MAP3K13: variants seen among roughly 807,000 people sequenced by gnomAD.
MAP3K13 encodes the protein mitogen-activated protein kinase kinase kinase 13, also known as leucine zipper-bearing kinase.
In MAP3K13, 52 loss-of-function variants were observed where a neutral mutation model predicts 104.0. The observed-to-expected ratio is 0.50, with a 90% CI of 0.40 to 0.63. The LOEUF is 0.63. Among genes scored for constraint, MAP3K13 ranks in the 20% least tolerant of loss-of-function variants. MAP3K13 has a pLI of 0.00. For synonymous variants in MAP3K13, 394 were observed against 442.2 expected (o/e 0.89, Z 1.37); for missense variants, 914 against 1,218.5 (o/e 0.75, Z 3.72).
At chr3:185,292,542 G>A (rs1324767489) in intron 2 of MAP3K13, 9 of 540,902 alleles carry the variant, frequency 1.7e-5, no homozygotes, top group Middle Eastern at 9.3e-4. Context: ...TTTTCCCCCC[G>A]GCCTACCTCA....
At chr3:185,369,307 C>T (rs577200488) in intron 1 of MAP3K13, among the ~76,000 whole-genome samples, 2 of 152,222 alleles carry the variant, frequency 1.3e-5, no homozygotes, top group South Asian at 2.1e-4. Context: ...AGATGGTGAA[C>T]CATCAAACAA....
At chr3:185,379,728 A>G (rs1355344542) in intron 1 of MAP3K13, among the ~76,000 whole-genome samples, 1 of 152,160 alleles carries the variant, frequency 6.6e-6, no homozygotes, top group African/African-American at 2.4e-5. Flanking sequence ...TTGATGAGTT[A>G]TACATTCATT....
chr3:185,321,133 T>TGC (rs1362285212), intron 2 of MAP3K13, among the ~76,000 whole-genome samples: 1 of 150,148 alleles, frequency 6.7e-6, no homozygotes, highest in Admixed American at 6.6e-5. Flanking sequence ...CATATACACA[T>TGC]GTGTATATTA....
chr3:185,388,825 A>G (rs568877372), intron 1 of MAP3K13, among the ~76,000 whole-genome samples: 2 of 152,232 alleles, frequency 1.3e-5, no homozygotes, highest in South Asian at 2.1e-4. Flanking sequence ...TGGTATTGGT[A>G]TAAAAACAGA....
In MAP3K13 at chr3:185,468,009, TTAAA is replaced by T. The variant is rs552561433; in HGVS notation, c.1643+1050_1643+1053del. On this transcript the variant is annotated intron_variant, in intron 10 of 13. Coordinates refer to ENST00000265026, the MANE Select transcript of MAP3K13 (RefSeq NM_004721.5). ...GCAAAGCAGGAGGTGCTACATTCCTTTAAATAACCAAATCTCATGAAAACTCACT... is the reference window on the plus strand; with the variant it reads ...GCAAAGCAGGAGGTGCTACATTCCTTTAACCAAATCTCATGAAAACTCACT... Among the ~76,000 whole-genome samples, 3 of 151,918 alleles carry T rather than the reference TTAAA, an allele frequency of 2.0e-5. No individual in the cohort carries two copies. In the East Asian group the frequency reaches 5.8e-4, roughly 29 times the overall value.
At chr3:185,436,534 T>C (rs1263410944) in intron 2 of MAP3K13, among the ~76,000 whole-genome samples, 1 of 152,182 alleles carries the variant, frequency 6.6e-6, no homozygotes, top group East Asian at 1.9e-4. Flanking sequence ...TGCCTTAGTT[T>C]TTTCATCTTT....
chr3:185,410,079 C>T (rs1213529501), intron 1 of MAP3K13, among the ~76,000 whole-genome samples: 1 of 152,208 alleles, frequency 6.6e-6, no homozygotes, highest in Non-Finnish European at 1.5e-5. Flanking sequence ...TCTAACGCTG[C>T]TGCTGACCTG....
At chr3:185,288,452 T>C (rs1720611366) in intron 2 of MAP3K13, among the ~76,000 whole-genome samples, 1 of 150,468 alleles carries the variant, frequency 6.6e-6, no homozygotes, top group Non-Finnish European at 1.5e-5. Flanking sequence ...ATATAATTTA[T>C]ATAGAGAGAA....
intron 1 of MAP3K13, among the ~76,000 whole-genome samples, chr3:185,366,712 C>T (rs1458940612): frequency 6.6e-6 from 1 of 152,122 alleles, no homozygotes; most frequent in African/African-American, 2.4e-5. Flanking sequence ...TTTTTATGTG[C>T]TTATTGGCCA....
At chr3:185,435,915 A>AAAGAT (rs1715003809) in intron 2 of MAP3K13, among the ~76,000 whole-genome samples, 1 of 152,208 alleles carries the variant, frequency 6.6e-6, no homozygotes, top group African/African-American at 2.4e-5. Context: ...AAGCTAACTC[A>AAAGAT]ACACTACTTT....
intron 1 of MAP3K13, among the ~76,000 whole-genome samples, chr3:185,405,658 G>C (rs1336196814): frequency 6.6e-6 from 1 of 152,086 alleles, no homozygotes; most frequent in African/African-American, 2.4e-5. Flanking sequence ...TTTCTTCAAG[G>C]CCTCACTTTC....
In MAP3K13 at chr3:185,443,633, C is replaced by G; in HGVS notation, c.848C>G (p.Pro283Arg). ...ATTATTCATCGTGATCTCAAATCAC[C>G]TAAGTGAGTTCTGGGGCTAATGTTT... ...HKIIHRDLKS[P>R]NVLVTHTDAV... The change falls in exon 4 of 14, where the codon CCT (proline) becomes CGT (arginine). Residue 283 changes from proline to arginine, a missense_variant. Pro to Arg is a moderately radical substitution (Grantham distance 103). Around this residue, in one of 3 missense-constraint regions of MAP3K13, gnomAD observed 175 missense variants for 321.3 expected, o/e 0.54. Coordinates refer to ENST00000265026, the MANE Select transcript of MAP3K13 (RefSeq NM_004721.5). 6.2e-7 allele frequency: 1 copy of G among 1,611,680 alleles called. No homozygotes were observed. The highest frequency in any genetic ancestry group is 8.5e-7 in the Non-Finnish European group (1 of 1,178,112).
At chr3:185,358,998 C>T (rs989334711), upstream of MAP3K13, among the ~76,000 whole-genome samples, 4 of 152,116 alleles carry the variant, frequency 2.6e-5, no homozygotes, top group African/African-American at 9.7e-5. Context: ...GAAGTTGGGT[C>T]ACTAATAGAT....
intron 2 of MAP3K13, among the ~76,000 whole-genome samples, chr3:185,331,217 C>T (rs11714990): frequency 0.76 from 114,798 of 150,500 alleles, 44,527 homozygotes; most frequent in Middle Eastern, 0.84. Flanking sequence ...CCTCAGCCTC[C>T]CCAGTAGCTG....
rs1204899124 is a variant in MAP3K13, at chr3:185,315,284, A to G, written c.-86+29641A>G. Among the ~76,000 whole-genome samples, 1 of 152,154 alleles carries G rather than the reference A, an allele frequency of 6.6e-6. No homozygotes were observed. The highest frequency in any genetic ancestry group is 1.5e-5 in the Non-Finnish European group (1 of 68,020). Reference sequence around the variant, plus strand: ...AAAAAAAACTATAAATATATTACACATAGAACAATGGTCCTCAAACTTTAG... The same window carrying G: ...AAAAAAAACTATAAATATATTACACGTAGAACAATGGTCCTCAAACTTTAG... On this transcript the variant is annotated intron_variant, in intron 2 of 14. Transcript: ENST00000424227. The surrounding 1 kb of genome is among the most constrained non-coding windows in gnomAD (Gnocchi z 4.3).
intron 2 of MAP3K13, among the ~76,000 whole-genome samples, chr3:185,347,863 C>T (rs1302669500): frequency 6.6e-6 from 1 of 151,646 alleles, no homozygotes; most frequent in Non-Finnish European, 1.5e-5. Context: ...ACAAAATTAG[C>T]CAGGTGTGTG....
At chr3:185,295,362 G>C (rs1307793184) in intron 2 of MAP3K13, among the ~76,000 whole-genome samples, 1 of 152,154 alleles carries the variant, frequency 6.6e-6, no homozygotes, top group East Asian at 1.9e-4. Flanking sequence ...CCGCCACTAT[G>C]CCTGGCTAAT....
At chr3:185,446,981 C>T (rs948743392) in intron 4 of MAP3K13, among the ~76,000 whole-genome samples, 10 of 152,128 alleles carry the variant, frequency 6.6e-5, no homozygotes, top group African/African-American at 2.4e-4. Flanking sequence ...TAGTGCACTA[C>T]CTTAGACATC....
intron 2 of MAP3K13, among the ~76,000 whole-genome samples, chr3:185,317,953 TA>T (rs1379835206): frequency 5.3e-5 from 8 of 151,408 alleles, no homozygotes; most frequent in Middle Eastern, 3.4e-3. Flanking sequence ...ATTCACCCAT[TA>T]AAACTTTAAA....
Sources: allele counts gnomAD v4.1 joint callset (sites outside exome capture counted in the v4.1 genomes callset), GRCh38; gene constraint gnomAD v4.1.1; regional missense constraint gnomAD v4.1.1; non-coding constraint Gnocchi (gnomAD v3.1); transcripts MANE v1.5; gene names NCBI Gene and HGNC (gene_info 2026-07-23, HGNC 2026-07-21).